RIMS1: variants seen among roughly 807,000 people sequenced by gnomAD.
The protein encoded by RIMS1 is regulating synaptic membrane exocytosis protein 1.
Under a neutral mutation model 214.1 loss-of-function variants are expected in RIMS1, and 83 were observed. The ratio of observed to expected loss-of-function variants is 0.39; its 90% CI spans 0.32 to 0.47. RIMS1 has a LOEUF of 0.47. Ranked by LOEUF, RIMS1 falls within the 20% of genes least tolerant of loss-of-function variation. The probability of loss-of-function intolerance (pLI) is 0.99; values close to 1 mark genes in which losing one functional copy is unlikely to be tolerated. For synonymous variants in RIMS1, 793 were observed against 786.8 expected (o/e 1.01, Z -0.13); for missense variants, 2,050 against 2,161.8 (o/e 0.95, Z 1.03).
intron 26 of RIMS1, among the ~76,000 whole-genome samples, chr6:72,300,580 G>T (rs1391023037): frequency 6.6e-6 from 1 of 151,672 alleles, no homozygotes; most frequent in East Asian, 1.9e-4. Context: ...CCCAAAGAAG[G>T]CTTAATTACA....
At position 72,157,787 on chromosome 6, in the gene RIMS1, A is replaced by G. The variant is rs190552626; in HGVS notation, c.472-21788A>G. On this transcript the variant is annotated intron_variant, in intron 4 of 33. Coordinates refer to ENST00000521978, the MANE Select transcript of RIMS1 (RefSeq NM_014989.7). ...ATACTGTAGGTGGCACTATATTTGT[A>G]TTGAAATTTGTCATCTTTATATTTT... 5.7e-5 allele frequency among the ~76,000 whole-genome samples: 8 copies of G among 140,436 alleles called. 1 individual carries two copies. Among genetic ancestry groups the G allele is most frequent in the African/African-American group, 2.0e-4 (8 of 40,710 alleles). The allele number at this position is 140,436 out of a possible 152,430, so 92.1% of individuals were successfully genotyped here.
intron 4 of RIMS1, among the ~76,000 whole-genome samples, chr6:72,114,836 T>C (rs2036768551): frequency 6.6e-6 from 1 of 151,978 alleles, no homozygotes. Flanking sequence ...AGCTGTCTTA[T>C]CAAACCTATG....
intron 16 of RIMS1, among the ~76,000 whole-genome samples, chr6:72,253,202 T>G (rs2154140774): frequency 6.6e-6 from 1 of 152,300 alleles, no homozygotes; most frequent in Middle Eastern, 3.4e-3. Context: ...CCTTCCACCA[T>G]TTCTGAAAAT....
intron 2 of RIMS1, among the ~76,000 whole-genome samples, chr6:72,023,309 G>A (rs958415827): frequency 3.3e-5 from 5 of 152,090 alleles, no homozygotes; most frequent in African/African-American, 1.2e-4. Flanking sequence ...CTTACGTGTT[G>A]TAAATAAATA....
intron 3 of RIMS1, among the ~76,000 whole-genome samples, chr6:72,098,220 T>G (rs745549272): frequency 2.0e-5 from 3 of 152,168 alleles, no homozygotes; most frequent in African/African-American, 4.8e-5. Context: ...AGTAGTCTAG[T>G]TGAGTTACAA....
At chr6:71,988,829 G>A (rs1413390188) in intron 2 of RIMS1, among the ~76,000 whole-genome samples, 2 of 152,144 alleles carry the variant, frequency 1.3e-5, no homozygotes, top group East Asian at 3.8e-4. Flanking sequence ...ATAGGAATGG[G>A]ATATTTTTAT....
chr6:72,200,658 A>G (rs1404976526), intron 6 of RIMS1, among the ~76,000 whole-genome samples: 1 of 152,216 alleles, frequency 6.6e-6, no homozygotes, highest in Non-Finnish European at 1.5e-5. Context: ...ACTGTCTGCC[A>G]TTGATGAGGG....
intron 1 of RIMS1, among the ~76,000 whole-genome samples, chr6:71,941,676 C>A (rs1225056297): frequency 6.6e-6 from 1 of 152,154 alleles, no homozygotes; most frequent in African/African-American, 2.4e-5. Context: ...ATTATGTCTG[C>A]TTTGAATCTA....
At chr6:72,090,654 G>A (rs886465568) in intron 2 of RIMS1, among the ~76,000 whole-genome samples, 1 of 152,126 alleles carries the variant, frequency 6.6e-6, no homozygotes, top group Non-Finnish European at 1.5e-5. Context: ...AAAACTATAT[G>A]ACTTACTGTC....
intron 2 of RIMS1, among the ~76,000 whole-genome samples, chr6:71,994,267 A>G (rs1802731343): frequency 6.6e-6 from 1 of 152,196 alleles, no homozygotes; most frequent in Admixed American, 6.5e-5. Flanking sequence ...GTTTGGCAAA[A>G]CATTTTATTA....
intron 13 of RIMS1, 42 bp downstream of exon 13, chr6:72,250,502 C>T (rs1187696166): frequency 2.9e-6 from 4 of 1,370,342 alleles, no homozygotes; most frequent in East Asian, 5.1e-5. Flanking sequence ...AAAATCTGTA[C>T]TAATAGAAAA....
Position 72,242,309 on chromosome 6 carries a change from T to C in RIMS1, c.1958-5T>C. The C allele has an allele frequency of 6.4e-7, 1 of 1,551,044 alleles. No homozygotes were observed. Among genetic ancestry groups the C allele is most frequent in the South Asian group, 1.2e-5 (1 of 83,124 alleles). On this transcript the variant is annotated splice_region_variant and splice_polypyrimidine_tract_variant and intron_variant, in intron 9 of 33. Coordinates refer to ENST00000521978, the MANE Select transcript of RIMS1 (RefSeq NM_014989.7). Reference sequence around the variant, plus strand: ...TAAAAAAATACCCTTTTTTTTAAATTCAAGGGGATGAAGTTCTAGAATGGA... The same window carrying C: ...TAAAAAAATACCCTTTTTTTTAAATCCAAGGGGATGAAGTTCTAGAATGGA...
chr6:72,182,846 G>C lies in RIMS1; in HGVS notation c.1375G>C (p.Ala459Pro), dbSNP rs748014585. The change falls in exon 6 of 34, where the codon GCA becomes CCA. Residue 459 changes from alanine to proline, a missense_variant. Coordinates refer to ENST00000521978, the MANE Select transcript of RIMS1 (RefSeq NM_014989.7). ...GGCGCCCAGACATGGGCCGGTTCCC[G>C]CAGAAGCCCCGGAGCTCAAAGCCCA... Reference protein sequence around the residue: ...PPAPRHGPVPAEAPELKAQEP... With the variant: ...PPAPRHGPVPPEAPELKAQEP... The C allele has an allele frequency of 1.3e-5, 20 of 1,554,198 alleles. No individual in the cohort carries two copies. Among genetic ancestry groups the C allele is most frequent in the Non-Finnish European group, 1.7e-6 (2 of 1,151,672 alleles).
intron 10 of RIMS1, among the ~76,000 whole-genome samples, chr6:72,242,931 T>G (rs929642806): frequency 2.6e-5 from 4 of 151,862 alleles, no homozygotes; most frequent in Admixed American, 2.0e-4. Context: ...GCAAGAAGTA[T>G]TAAATATTTT....
intron 1 of RIMS1, among the ~76,000 whole-genome samples, chr6:71,959,497 T>A (rs1032571785): frequency 6.6e-6 from 1 of 152,106 alleles, no homozygotes; most frequent in African/African-American, 2.4e-5. Context: ...AGCTGTGGTT[T>A]TGTGATACAA....
At chr6:72,148,710 TG>T (rs2043084599) in intron 4 of RIMS1, 2 of 299,426 alleles carry the variant, frequency 6.7e-6, no homozygotes, top group Non-Finnish European at 1.2e-5. Context: ...TGCGGAGACT[TG>T]GGTTTTTTTT....
intron 1 of RIMS1, among the ~76,000 whole-genome samples, chr6:71,892,813 C>G (rs1345102748): frequency 6.6e-6 from 1 of 152,104 alleles, no homozygotes; most frequent in Non-Finnish European, 1.5e-5. Flanking sequence ...CTGCTTACAG[C>G]CCAATGTTGG....
chr6:72,226,641 A>G (rs2060273234), intron 6 of RIMS1, among the ~76,000 whole-genome samples: 1 of 152,058 alleles, frequency 6.6e-6, no homozygotes, highest in Non-Finnish European at 1.5e-5. Flanking sequence ...TGTCTACTAA[A>G]TAATTTTTAA....
chr6:72,209,149 C>A lies in RIMS1; in HGVS notation c.1679-24624C>A, dbSNP rs140124043. Among the ~76,000 whole-genome samples the A allele has an allele frequency of 8.5e-5, 13 of 152,308 alleles. No individual in the cohort carries two copies. The East Asian group carries it at 2.5e-3, about 29-fold the overall frequency. Reference sequence around the variant, plus strand: ...ACTACACTTTGAAAACAATAATTTACATACCTGTAACTTAATTTGAATTTG... The same window carrying A: ...ACTACACTTTGAAAACAATAATTTAAATACCTGTAACTTAATTTGAATTTG... On this transcript the variant is annotated intron_variant, in intron 6 of 33. Transcript: ENST00000521978.
Sources: gnomAD v4.1 joint callset for allele counts (sites outside exome capture counted in the v4.1 genomes callset) on GRCh38, gnomAD v4.1.1 for gene constraint, MANE v1.5 for transcripts, NCBI Gene and HGNC (gene_info 2026-07-23, HGNC 2026-07-21) for gene names.